Variants in FAM13A observed in about 807,000 individuals in gnomAD.
FAM13A encodes family with sequence similarity 13 member A.
A neutral mutation model predicts 129.6 loss-of-function variants in FAM13A; 76 were observed. The observed-to-expected ratio is 0.59, with a 90% CI of 0.49 to 0.71. FAM13A has a LOEUF of 0.71. FAM13A is among the 30% of genes least tolerant of loss of function. The pLI, the probability that FAM13A is intolerant of heterozygous loss-of-function variation, is 0.00. For missense variants in FAM13A, 1,108 were observed against 1,249.3 expected, an observed-to-expected ratio of 0.89 and a Z score of 1.70; for synonymous variants, 443 against 449.9, an observed-to-expected ratio of 0.98 and a Z score of 0.20.
chr4:89,009,338 G>T (rs992242090), intron 3 of FAM13A, among the ~76,000 whole-genome samples: 1 of 152,118 alleles, frequency 6.6e-6, no homozygotes, highest in Non-Finnish European at 1.5e-5. Flanking sequence ...AGACCCAAAG[G>T]TACCAGAGAT....
At chr4:88,983,403 G>A (rs1761880436) in intron 4 of FAM13A, among the ~76,000 whole-genome samples, 1 of 151,844 alleles carries the variant, frequency 6.6e-6, no homozygotes, top group African/African-American at 2.4e-5. Context: ...GATACAAACA[G>A]GTATATGAGG....
intron 7 of FAM13A, among the ~76,000 whole-genome samples, chr4:88,822,058 C>T (rs1268227781): frequency 6.6e-6 from 1 of 151,860 alleles, no homozygotes; most frequent in African/African-American, 2.4e-5. Context: ...TTAAATAAAC[C>T]ACATTTACTA....
rs34007551 is a variant in FAM13A at position 88,739,786 on chromosome 4, C to CAAAAAAA, written c.2467-668_2467-662dup. ...TGGGTGACAGAGAAAGACTCTGTCTCAAAAAAAAAAAAAAAAAAAAATACA... is the reference window on the plus strand; with the variant it reads ...TGGGTGACAGAGAAAGACTCTGTCTCAAAAAAAAAAAAAAAAAAAAAAAAAAAATACA... On this transcript the variant is annotated intron_variant, in intron 19 of 23. Coordinates refer to ENST00000264344, the MANE Select transcript of FAM13A (RefSeq NM_014883.4). 1.1e-3 allele frequency among the ~76,000 whole-genome samples: 76 copies of CAAAAAAA among 67,906 alleles called. 1 individual carries two copies. Among genetic ancestry groups the CAAAAAAA allele is most frequent in the African/African-American group, 4.1e-3 (72 of 17,622 alleles). The allele number at this position is 67,906 out of a possible 152,430, so 44.5% of individuals were successfully genotyped here.
At position 88,732,026 on chromosome 4, in the gene FAM13A, A is replaced by C; in HGVS notation, c.2819T>G (p.Leu940Arg). The C allele has an allele frequency of 6.2e-7, 1 of 1,612,050 alleles. No homozygotes were observed. Among genetic ancestry groups the C allele is most frequent in the South Asian group, 1.1e-5 (1 of 90,524 alleles). ...IPSKCSQDTG[L>R]SNLHAASIPE... Reference sequence around the variant, plus strand: ...CATTGAGGCAGCATGGAGATTTGAAAGCCCTGTGTCCTGGCTGCATTTTGA... The same window carrying C: ...CATTGAGGCAGCATGGAGATTTGAACGCCCTGTGTCCTGGCTGCATTTTGA... Residue 940 changes from leucine (L) to arginine (R), a missense_variant, in exon 22 of 24, where the codon CTT becomes CGT. Leu to Arg is a moderately radical substitution (Grantham distance 102). Coordinates refer to ENST00000264344, the MANE Select transcript of FAM13A (RefSeq NM_014883.4).
chr4:88,937,767 C>T (rs1318543414), intron 5 of FAM13A: 2 of 388,016 alleles, frequency 5.2e-6, no homozygotes, highest in African/African-American at 4.1e-5. Context: ...CAGCCATATG[C>T]ACTTATTCCT....
intron 8 of FAM13A, among the ~76,000 whole-genome samples, chr4:88,796,192 A>G (rs1472454889): frequency 2.6e-5 from 4 of 151,862 alleles, no homozygotes; most frequent in African/African-American, 9.6e-5. Flanking sequence ...AAATTTTCAT[A>G]TATACTTTTT....
At chr4:88,922,294 A>C (rs1268481) in intron 5 of FAM13A, among the ~76,000 whole-genome samples, 40 of 151,086 alleles carry the variant, frequency 2.6e-4, no homozygotes, top group Non-Finnish European at 3.4e-4. Flanking sequence ...TGACCACATA[A>C]TTGGAAGTAA....
chr4:88,815,263 T>G (rs1730501635), intron 7 of FAM13A, among the ~76,000 whole-genome samples: 1 of 152,168 alleles, frequency 6.6e-6, no homozygotes, highest in Non-Finnish European at 1.5e-5. Context: ...TTCACTTTGT[T>G]ACTTAGGCAC....
chr4:88,834,654 A>G (rs1734505279), intron 7 of FAM13A, among the ~76,000 whole-genome samples: 1 of 152,236 alleles, frequency 6.6e-6, no homozygotes, highest in Non-Finnish European at 1.5e-5. Flanking sequence ...AGACAACTTT[A>G]AAACAAATCA....
At chr4:88,919,807 T>C (rs1181915893) in intron 5 of FAM13A, among the ~76,000 whole-genome samples, 1 of 152,054 alleles carries the variant, frequency 6.6e-6, no homozygotes, top group Non-Finnish European at 1.5e-5. Context: ...AAGAAAGGGG[T>C]GACAGATGGC....
At chr4:88,757,452 G>A (rs12640571) in intron 14 of FAM13A, among the ~76,000 whole-genome samples, 15,299 of 151,906 alleles carry the variant, frequency 0.1, 1,068 homozygotes, top group South Asian at 0.31. Context: ...GGGGAGGTGG[G>A]GGCACAGGTT....
chr4:88,810,658 TAA>T (rs779526008), intron 7 of FAM13A, among the ~76,000 whole-genome samples: 5 of 152,188 alleles, frequency 3.3e-5, no homozygotes, highest in Non-Finnish European at 7.3e-5. Flanking sequence ...ACAGGAATGC[TAA>T]GACTATAATC....
chr4:89,015,841 CAG>C (rs1766406370), intron 3 of FAM13A, among the ~76,000 whole-genome samples: 1 of 152,008 alleles, frequency 6.6e-6, no homozygotes, highest in Non-Finnish European at 1.5e-5. Flanking sequence ...AACTGCAACA[CAG>C]ACTCAGATAT....
At chr4:88,997,126 C>G (rs1434753744) in intron 3 of FAM13A, among the ~76,000 whole-genome samples, 1 of 152,134 alleles carries the variant, frequency 6.6e-6, no homozygotes, top group Non-Finnish European at 1.5e-5. Context: ...GCCTCAGAAA[C>G]AGAAGTGAAA....
chr4:88,919,640 T>G (rs1290050865), intron 5 of FAM13A, among the ~76,000 whole-genome samples: 2 of 152,236 alleles, frequency 1.3e-5, no homozygotes, highest in Non-Finnish European at 2.9e-5. Flanking sequence ...GGGTGATTTC[T>G]GCATTTCCAT....
intron 6 of FAM13A, among the ~76,000 whole-genome samples, chr4:88,873,189 A>G (rs1424346881): frequency 6.6e-6 from 1 of 152,232 alleles, no homozygotes; most frequent in Non-Finnish European, 1.5e-5. Context: ...AGAAAGCAGG[A>G]AAGATCTAAA....
intron 9 of FAM13A, among the ~76,000 whole-genome samples, 200 bp from the exon 10 acceptor site, chr4:88,788,132 T>C (rs1724356145): frequency 6.6e-6 from 1 of 152,214 alleles, no homozygotes; most frequent in Non-Finnish European, 1.5e-5. Context: ...CGAAAACAAT[T>C]CTGCCAATTT....
At chr4:88,907,872 C>T (rs1360803996) in intron 5 of FAM13A, among the ~76,000 whole-genome samples, 1 of 152,212 alleles carries the variant, frequency 6.6e-6, no homozygotes, top group African/African-American at 2.4e-5. Context: ...GTCGGCCTCC[C>T]TGATTTTACA....
intron 7 of FAM13A, among the ~76,000 whole-genome samples, chr4:88,807,700 T>C (rs1044448913): frequency 6.6e-6 from 1 of 152,198 alleles, no homozygotes; most frequent in Non-Finnish European, 1.5e-5. Context: ...ATGGCAACTC[T>C]ACATCACCTT....
Sources: gnomAD v4.1 joint callset for allele counts (sites outside exome capture counted in the v4.1 genomes callset) on GRCh38, gnomAD v4.1.1 for gene constraint, MANE v1.5 for transcripts, NCBI Gene and HGNC (gene_info 2026-07-23, HGNC 2026-07-21) for gene names.